Variants in KNL1 observed in about 807,000 individuals in gnomAD.
KNL1 encodes outer kinetochore KNL1 complex subunit KNL1.
In KNL1, 66 loss-of-function variants were observed where a neutral mutation model predicts 201.3. The ratio of observed to expected loss-of-function variants is 0.33; its 90% confidence interval spans 0.27 to 0.40. The LOEUF (loss-of-function observed/expected upper bound fraction) is 0.40, where lower values mean the gene tolerates loss of function less well. Ranked by LOEUF, KNL1 falls within the 10% of genes least tolerant of loss-of-function variation. The pLI is 1.00. For synonymous variants in KNL1, 895 were observed against 899.2 expected, an observed-to-expected ratio of 1.00 and a Z score of 0.08; for missense variants, 2,815 against 2,690.5, an observed-to-expected ratio of 1.05 and a Z score of -1.02.
chr15:40,628,801 T>C (rs908478204), intron 12 of KNL1, 123 bp downstream of exon 12: 6 of 539,696 alleles, frequency 1.1e-5, no homozygotes, highest in South Asian at 8.8e-5. Context: ...ATTTCAAATA[T>C]ACAGAAGACT....
intron 1 of KNL1, among the ~76,000 whole-genome samples, chr15:40,600,516 T>C (rs1240626835): frequency 6.6e-6 from 1 of 152,176 alleles, no homozygotes; most frequent in Non-Finnish European, 1.5e-5. Context: ...TGGCTAAAAC[T>C]AGAAAAATAG....
intron 8 of KNL1, among the ~76,000 whole-genome samples, chr15:40,618,248 C>T (rs1407626434): frequency 6.6e-6 from 1 of 151,816 alleles, no homozygotes; most frequent in South Asian, 2.1e-4. Context: ...TGACCTCTTG[C>T]GTTAATCTGA....
chr15:40,621,611 G>A lies in KNL1; in HGVS notation c.1347G>A (p.Glu449=), dbSNP rs1293470536. The A allele has an allele frequency of 6.2e-7, 1 of 1,610,928 alleles. No individual in the cohort carries two copies. The highest frequency in any genetic ancestry group is 8.5e-7 in the Non-Finnish European group (1 of 1,178,678). ...MTKCLSNMRE[E]KNLLKHDSNY... is the part of the protein sequence containing the mutation. ...AATGTCTCTCAAATATGAGAGAGGA[G>A]AAAAATTTGCTAAAGCATGACAGTA... Residue 449 remains glutamate (E), a synonymous_variant, in exon 10 of 26, where the codon GAG becomes GAA. Transcript: ENST00000399668.
chr15:40,657,408 G>C lies in KNL1; in HGVS notation c.6648G>C (p.Glu2216Asp). 6.2e-7 allele frequency: 1 copy of C among 1,608,416 alleles called. No homozygotes were observed. Among genetic ancestry groups the C allele is most frequent in the Non-Finnish European group, 8.5e-7 (1 of 1,174,756 alleles). The part of the protein sequence containing the change: ...VVHHCRLLGE[E>D]IEYLKRWGPN... ...ACCATTGCAGACTCCTTGGAGAGGA[G>C]ATTGAGTATTTAAAGAGATGGGGAC... The change falls in exon 24 of 26, where the codon GAG becomes GAC. Residue 2216 changes from glutamate (E) to aspartate (D), a missense_variant. Glu to Asp is a conservative substitution (Grantham distance 45). Coordinates refer to ENST00000399668, the MANE Select transcript of KNL1 (RefSeq NM_144508.5).
chr15:40,618,726 T>C (rs973325919), intron 8 of KNL1, among the ~76,000 whole-genome samples: 3 of 152,186 alleles, frequency 2.0e-5, no homozygotes, highest in African/African-American at 4.8e-5. Context: ...TTACCCTGAT[T>C]TGATCATTAC....
chr15:40,595,116 C>G (rs943098706), intron 1 of KNL1, among the ~76,000 whole-genome samples: 3 of 152,120 alleles, frequency 2.0e-5, no homozygotes, highest in African/African-American at 7.2e-5. Flanking sequence ...GGATGAAGAC[C>G]AAAGCAGAAG....
At position 40,621,312 on chromosome 15, in the gene KNL1, A is replaced by G. The variant is rs1336072597; in HGVS notation, c.1048A>G (p.Thr350Ala). ...TCAAACTCAGAATGCCATGGATGTA[A>G]CAACAGGTTATGGAACTAAAGCTTC... ...ENQTQNAMDV[T>A]TGYGTKASGN... The change falls in exon 10 of 26, where the codon ACA becomes GCA. Residue 350 changes from threonine (T) to alanine (A), a missense_variant. Thr to Ala is a moderately conservative substitution (Grantham distance 58). Transcript: ENST00000399668. 2 of 1,613,998 alleles carry G rather than the reference A, an allele frequency of 1.2e-6. No individual in the cohort carries two copies. The highest frequency in any genetic ancestry group is 2.2e-5 in the South Asian group (2 of 91,070).
intron 12 of KNL1, 93 bp from the exon 13 acceptor site, chr15:40,629,176 TATAC>T: frequency 1.6e-6 from 1 of 624,334 alleles, no homozygotes; most frequent in Non-Finnish European, 2.8e-6. Context: ...TCCATAAATG[TATAC>T]AAGATACCTT....
intron 9 of KNL1, among the ~76,000 whole-genome samples, chr15:40,620,401 C>T (rs1411510784): frequency 5.9e-5 from 9 of 151,940 alleles, no homozygotes; most frequent in East Asian, 1.9e-4. Flanking sequence ...TTAGTAGAGA[C>T]GGGGTTTCAC....
chr15:40,622,345 C>T lies in KNL1; in HGVS notation c.2081C>T (p.Ser694Phe), dbSNP rs1438414551. 6.2e-7 allele frequency: 1 copy of T among 1,613,880 alleles called. No individual in the cohort carries two copies. Among genetic ancestry groups the T allele is most frequent in the South Asian group, 1.1e-5 (1 of 91,072 alleles). ...AGAAATACAGTATCATGGGAACAAT[C>T]TTTGTTTTCTACCACAAAGCCATTA... ...TNRNTVSWEQSLFSTTKPLFS... is the reference protein window; with the variant it reads ...TNRNTVSWEQFLFSTTKPLFS... Residue 694 changes from serine to phenylalanine, a missense_variant, in exon 10 of 26, where the codon TCT (serine) becomes TTT (phenylalanine). Around this residue, in one of 3 missense-constraint regions of KNL1, gnomAD observed 2,464 missense variants for 2,291.7 expected, o/e 1.08. Transcript: ENST00000399668.
At position 40,622,739 on chromosome 15, in the gene KNL1, G is replaced by A. The variant is rs1388520447; in HGVS notation, c.2475G>A (p.Met825Ile). The change falls in exon 10 of 26, where the codon ATG becomes ATA. Residue 825 changes from methionine (M) to isoleucine (I), a missense_variant. Met to Ile is a conservative substitution (Grantham distance 10, BLOSUM62 1). Coordinates refer to ENST00000399668, the MANE Select transcript of KNL1 (RefSeq NM_144508.5). ...KSGVLKSNCI[M>I]DVLEDESVQK... is the part of the protein sequence containing the mutation. The stretch of plus-strand genomic sequence containing the variant: ...GAGTGCTTAAATCTAACTGTATTAT[G>A]GATGTGTTAGAGGACGAAAGTGTAC... 9 of 1,601,796 alleles carry A rather than the reference G, an allele frequency of 5.6e-6. No homozygotes were observed. Among genetic ancestry groups the A allele is most frequent in the Non-Finnish European group, 7.7e-6 (9 of 1,175,718 alleles).
intron 13 of KNL1, among the ~76,000 whole-genome samples, chr15:40,635,092 A>C (rs1893016897): frequency 1.3e-5 from 2 of 149,836 alleles, no homozygotes; most frequent in South Asian, 4.2e-4. Context: ...TTTGTCATCC[A>C]GGCTGGAGTG....
chr15:40,636,857 A>G (rs1272567345), intron 13 of KNL1, among the ~76,000 whole-genome samples: 1 of 151,996 alleles, frequency 6.6e-6, no homozygotes, highest in Non-Finnish European at 1.5e-5. Context: ...TTTTTTCTCT[A>G]CCTAACCCTC....
rs895495558 is a variant in KNL1, at chr15:40,663,184, C to A, written c.*996C>A. The A allele has an allele frequency of 2.2e-4, 35 of 157,362 alleles. No individual in the cohort carries two copies. Among genetic ancestry groups the A allele is most frequent in the African/African-American group, 6.6e-4 (27 of 41,032 alleles). 9.7% of individuals were successfully genotyped at this position (157,362 alleles called of 1,614,324 possible). On this transcript the variant is annotated 3_prime_UTR_variant, in exon 26 of 26. Coordinates refer to ENST00000399668, the MANE Select transcript of KNL1 (RefSeq NM_144508.5). ...ACGCCATTCTCCTGCCTCAGCCTCCCGAGTAGCTGGGACTACAGGTGCCCA... is the reference window on the plus strand; with the variant it reads ...ACGCCATTCTCCTGCCTCAGCCTCCAGAGTAGCTGGGACTACAGGTGCCCA...
chr15:40,658,132 G>C (rs1893788329), intron 24 of KNL1, among the ~76,000 whole-genome samples: 1 of 151,958 alleles, frequency 6.6e-6, no homozygotes, highest in Non-Finnish European at 1.5e-5. Flanking sequence ...CAGGCATGGT[G>C]GTGGGCGCCT....
chr15:40,603,107 T>C (rs1891861722), intron 2 of KNL1, 141 bp downstream of exon 2: 1 of 561,050 alleles, frequency 1.8e-6, no homozygotes, highest in Admixed American at 3.4e-5. Context: ...TTTTAAATTA[T>C]ACTTTAAGTT....
At chr15:40,639,501 C>T (rs1417591289) in intron 13 of KNL1, among the ~76,000 whole-genome samples, 1 of 150,770 alleles carries the variant, frequency 6.6e-6, no homozygotes, top group East Asian at 2.0e-4. Flanking sequence ...AGGAGAATCG[C>T]TTGAAGCCAC....
Position 40,621,327 on chromosome 15 carries a change from A to G in KNL1, c.1063A>G (p.Thr355Ala), listed in dbSNP as rs1892518608. The G allele has an allele frequency of 6.2e-7, 1 of 1,613,388 alleles. No individual in the cohort carries two copies. Among genetic ancestry groups the G allele is most frequent in the South Asian group, 1.1e-5 (1 of 91,054 alleles). Residue 355 changes from threonine (T) to alanine (A), a missense_variant, in exon 10 of 26, where the codon ACT (threonine) becomes GCT (alanine). Transcript: ENST00000399668. ...CATGGATGTAACAACAGGTTATGGA[A>G]CTAAAGCTTCAGGAAATAAAACAGT... ...NAMDVTTGYGTKASGNKTVFK... is the reference protein window; with the variant it reads ...NAMDVTTGYGAKASGNKTVFK...
chr15:40,620,504 A>C (rs1226018542), intron 9 of KNL1, 136 bp from the exon 10 acceptor site: 1 of 544,558 alleles, frequency 1.8e-6, no homozygotes, highest in African/African-American at 1.9e-5. Flanking sequence ...TATATGCAAC[A>C]TGCTACACCA....
Sources: gnomAD v4.1 joint callset for allele counts (sites outside exome capture counted in the v4.1 genomes callset) on GRCh38, gnomAD v4.1.1 for gene constraint, gnomAD v4.1.1 regional missense constraint, MANE v1.5 for transcripts, NCBI Gene and HGNC (gene_info 2026-07-23, HGNC 2026-07-21) for gene names.